Variants in RPS16 observed in about 807,000 individuals in gnomAD.
The protein encoded by RPS16 is small ribosomal subunit protein uS9.
RPS16 carries 2 observed loss-of-function variants against 20.1 expected under a neutral mutation model. The observed-to-expected ratio is 0.10, with a 90% CI of 0.04 to 0.31. The LOEUF is 0.31. Among genes scored for constraint, RPS16 ranks in the 10% least tolerant of loss-of-function variants. The pLI, the probability that RPS16 is intolerant of heterozygous loss-of-function variation, is 1.00. For synonymous variants in RPS16, 95 were observed against 76.1 expected (o/e 1.25, Z -1.29); for missense variants, 129 against 198.6 (o/e 0.65, Z 2.11).
Position 39,433,235 on chromosome 19 carries a change from CTGTT to C in RPS16, c.*34_*37del, listed in dbSNP as rs775212949. ...TTGAAACTTTAAAATCCCTCAAAAA[CTGTT>C]TATTATACAAGTGAGTTTTGAGTCA... On this transcript the variant is annotated 3_prime_UTR_variant, in exon 5 of 5. Coordinates refer to ENST00000251453, the MANE Select transcript of RPS16 (RefSeq NM_001020.6). The C allele has an allele frequency of 6.2e-7, 1 of 1,605,674 alleles. No homozygotes were observed. The highest frequency in any genetic ancestry group is 8.5e-7 in the Non-Finnish European group (1 of 1,175,414).
chr19:39,435,921 T>C lies in RPS16; in HGVS notation c.-26A>G. 6.2e-7 allele frequency: 1 copy of C among 1,602,760 alleles called. No individual in the cohort carries two copies. The highest frequency in any genetic ancestry group is 8.5e-7 in the Non-Finnish European group (1 of 1,179,886). On this transcript the variant is annotated 5_prime_UTR_variant, in exon 1 of 5. Transcript: ENST00000251453. ...GGCTCCGAGCGTGGACTAGACAACCTCACCGCGCGGCGCCGCAACCGGAAA... is the reference window on the plus strand; with the variant it reads ...GGCTCCGAGCGTGGACTAGACAACCCCACCGCGCGGCGCCGCAACCGGAAA...
chr19:39,433,733 T>C lies in RPS16; in HGVS notation c.179A>G (p.Lys60Arg), dbSNP rs1418650826. ...KLLEPVLLLGKERFAGVDIRV... is the reference protein window; with the variant it reads ...KLLEPVLLLGRERFAGVDIRV... ...GATGTCTACACCAGCAAATCGCTCC[T>C]TGCCGAGAAGCAGAACTGGCTCCAG... The change falls in exon 3 of 5, where the codon AAG becomes AGG. Residue 60 changes from lysine to arginine, a missense_variant. Physicochemically the swap from Lys to Arg is conservative, Grantham distance 26. Transcript: ENST00000251453. The C allele has an allele frequency of 1.2e-6, 2 of 1,614,054 alleles. No individual in the cohort carries two copies. Among genetic ancestry groups the C allele is most frequent in the East Asian group, 2.2e-5 (1 of 44,902 alleles).
chr19:39,433,478 C>A lies in RPS16; in HGVS notation c.295+44G>T, dbSNP rs185979652. On this transcript the variant is annotated intron_variant, in intron 4 of 4. Coordinates refer to ENST00000251453, the MANE Select transcript of RPS16 (RefSeq NM_001020.6). ...TCACACAGAGTCCTTGACTTGATCC[C>A]CACACACCCATCTACCTCATGGGAA... 232 of 1,612,930 alleles carry A rather than the reference C, an allele frequency of 1.4e-4. 2 individuals carry two copies. The Middle Eastern group carries it at 3.0e-3, about 21-fold the overall frequency.
chr19:39,433,634 C>T (rs757870175), intron 3 of RPS16, 31 bp downstream of exon 3: 6 of 1,614,240 alleles, frequency 3.7e-6, no homozygotes, highest in Non-Finnish European at 5.1e-6. Context: ...CCAGAGCCAC[C>T]TCCTCCATGC....
At chr19:39,433,472 T>G (rs374492525) in intron 4 of RPS16, 50 bp downstream of exon 4, 157 of 1,612,732 alleles carry the variant, frequency 9.7e-5, no homozygotes, top group Admixed American at 1.7e-4. Flanking sequence ...GTCCTTGACT[T>G]GATCCCCACA....
intron 3 of RPS16, 26 bp from the exon 4 acceptor site, chr19:39,433,595 G>C (rs760446946): frequency 1.1e-5 from 18 of 1,614,052 alleles, no homozygotes; most frequent in Middle Eastern, 1.6e-4. Context: ...ACAATTAAAG[G>C]GTACAGGAGC....
chr19:39,433,677 C>T lies in RPS16; in HGVS notation c.235G>A (p.Ala79Thr). 1 of 1,614,200 alleles carries T rather than the reference C, an allele frequency of 6.2e-7. No individual in the cohort carries two copies. Among genetic ancestry groups the T allele is most frequent in the Non-Finnish European group, 8.5e-7 (1 of 1,180,034 alleles). The change falls in exon 3 of 5, where the codon GCC becomes ACC. Residue 79 changes from alanine (A) to threonine (T), a missense_variant. Physicochemically the swap from Ala to Thr is moderately conservative, Grantham distance 58. Transcript: ENST00000251453. ...TCCTGGGACTCACCATAAATCTGGG[C>T]CACGTGACCACCACCCTTTACACGG... is the stretch of plus-strand genomic sequence containing the variant. ...RVRVKGGGHVAQIYAIRQSIS... is the reference protein window; with the variant it reads ...RVRVKGGGHVTQIYAIRQSIS...
Position 39,433,211 on chromosome 19 carries a change from T to C in RPS16, c.*62A>G. On this transcript the variant is annotated 3_prime_UTR_variant, in exon 5 of 5. Coordinates refer to ENST00000251453, the MANE Select transcript of RPS16 (RefSeq NM_001020.6). ...AACACATAAGGCCACACACAGTTCT[T>C]GAAACTTTAAAATCCCTCAAAAACT... is the stretch of plus-strand genomic sequence containing the variant. The C allele has an allele frequency of 1.3e-6, 2 of 1,564,758 alleles. No homozygotes were observed. The highest frequency in any genetic ancestry group is 8.8e-7 in the Non-Finnish European group (1 of 1,141,078).
intron 2 of RPS16, chr19:39,434,472 C>T (rs937398327): frequency 1.3e-5 from 2 of 152,446 alleles, no homozygotes; most frequent in Non-Finnish European, 2.9e-5. Context: ...ACATACAAAT[C>T]CTTCAAATAC....
intron 2 of RPS16, 85 bp downstream of exon 2, chr19:39,435,522 C>T: frequency 1.8e-6 from 2 of 1,127,540 alleles, no homozygotes; most frequent in East Asian, 2.5e-5. Flanking sequence ...GTTGCTGATG[C>T]CAGCCCCCCC....
Position 39,433,561 on chromosome 19 carries a change from G to C in RPS16, c.256C>G (p.Gln86Glu), listed in dbSNP as rs748218288. The C allele has an allele frequency of 6.2e-7, 1 of 1,614,224 alleles. No individual in the cohort carries two copies. Among genetic ancestry groups the C allele is most frequent in the African/African-American group, 1.3e-5 (1 of 75,044 alleles). ...GCCACCAGGGCTTTGGAGATGGACT[G>C]ACGGATAGCTGTGAGAAAGACACAC... ...GHVAQIYAIR[Q>E]SISKALVAYY... is the part of the protein sequence containing the mutation. Residue 86 changes from glutamine (Q) to glutamate (E), a missense_variant, in exon 4 of 5, where the codon CAG (glutamine) becomes GAG (glutamate). Physicochemically the swap from Gln to Glu is conservative, Grantham distance 29. This residue lies in a region of RPS16 where 117 missense variants were observed against 151.4 expected (regional missense o/e 0.77). Coordinates refer to ENST00000251453, the MANE Select transcript of RPS16 (RefSeq NM_001020.6).
At chr19:39,435,308 AAAT>A (rs1211183678) in intron 2 of RPS16, 2 of 341,484 alleles carry the variant, frequency 5.9e-6, no homozygotes, top group African/African-American at 7.3e-5. Flanking sequence ...CAAAACAAAT[AAAT>A]AAAATAAAAA....
rs374492525 is a variant in RPS16, at chr19:39,433,472, T to C, written c.295+50A>G. 4.2e-5 allele frequency: 67 copies of C among 1,612,850 alleles called. No individual in the cohort carries two copies. The East Asian group carries it at 1.4e-3, about 33-fold the overall frequency. ...AGATAATCACACAGAGTCCTTGACT[T>C]GATCCCCACACACCCATCTACCTCA... On this transcript the variant is annotated intron_variant, in intron 4 of 4. Coordinates refer to ENST00000251453, the MANE Select transcript of RPS16 (RefSeq NM_001020.6).
At chr19:39,435,457 G>T in intron 2 of RPS16, 150 bp downstream of exon 2, 1 of 622,024 alleles carries the variant, frequency 1.6e-6, no homozygotes. Context: ...CCCAAGCCCA[G>T]CTCTATTGCC....
At chr19:39,435,453 C>G in intron 2 of RPS16, 154 bp downstream of exon 2, 1 of 618,416 alleles carries the variant, frequency 1.6e-6, no homozygotes, top group East Asian at 2.8e-5. Flanking sequence ...GAACCCCAAG[C>G]CCAGCTCTAT....
intron 1 of RPS16, 56 bp from the exon 2 acceptor site, chr19:39,435,764 T>G (rs1422977856): frequency 1.7e-5 from 27 of 1,606,300 alleles, no homozygotes; most frequent in Non-Finnish European, 2.2e-5. Flanking sequence ...GCTCCCATGT[T>G]ACCCCCTAGA....
chr19:39,435,464 T>G lies in RPS16; in HGVS notation c.150+143A>C, dbSNP rs564930311. The G allele has an allele frequency of 4.4e-5, 28 of 636,082 alleles. No individual in the cohort carries two copies. In the African/African-American group the frequency reaches 4.8e-4, roughly 11 times the overall value. 39.4% of individuals were successfully genotyped at this position (636,082 alleles called of 1,614,324 possible). On this transcript the variant is annotated intron_variant, in intron 2 of 4. Coordinates refer to ENST00000251453, the MANE Select transcript of RPS16 (RefSeq NM_001020.6). ...TTCTGAACCCCAAGCCCAGCTCTAT[T>G]GCCAAATACCCCACTGTTCTACACC...
At position 39,435,639 on chromosome 19, in the gene RPS16, C is replaced by T. The variant is rs1287272156; in HGVS notation, c.118G>A (p.Glu40Lys). The change falls in exon 2 of 5, where the codon GAG (glutamate) becomes AAG (lysine). Residue 40 changes from glutamate (E) to lysine (K), a missense_variant. By Grantham distance (56) the Glu-to-Lys change is moderately conservative (BLOSUM62 1). Around this residue, in one of 2 missense-constraint regions of RPS16, gnomAD observed 117 missense variants for 151.4 expected, o/e 0.77. Coordinates refer to ENST00000251453, the MANE Select transcript of RPS16 (RefSeq NM_001020.6). ...GLIKVNGRPLEMIEPRTLQYK... is the reference protein window; with the variant it reads ...GLIKVNGRPLKMIEPRTLQYK... ...TGTAGCGTGCGCGGCTCAATCATCT[C>T]CAGGGGCCGCCCGTTCACCTTGATG... is the stretch of plus-strand genomic sequence containing the variant. 6.2e-7 allele frequency: 1 copy of T among 1,613,908 alleles called. No individual in the cohort carries two copies. The highest frequency in any genetic ancestry group is 8.5e-7 in the Non-Finnish European group (1 of 1,180,048).
chr19:39,433,826 G>C, intron 2 of RPS16, 65 bp from the exon 3 acceptor site: 1 of 1,507,292 alleles, frequency 6.6e-7, no homozygotes, highest in Non-Finnish European at 9.1e-7. Context: ...ATCTCACTGG[G>C]CTTCTTGTTT....
Sources: gnomAD v4.1 joint callset for allele counts on GRCh38, gnomAD v4.1.1 for gene constraint, gnomAD v4.1.1 regional missense constraint, MANE v1.5 for transcripts, NCBI Gene and HGNC (gene_info 2026-07-23, HGNC 2026-07-21) for gene names.